Variants in SDK1 observed in about 807,000 individuals in gnomAD.
SDK1 encodes the protein sidekick cell adhesion molecule 1, also known as protein sidekick-1.
SDK1 carries 157 observed loss-of-function variants against 245.5 expected under a neutral mutation model. That is an observed-to-expected ratio of 0.64 (90% CI 0.56 to 0.73). SDK1 has a LOEUF of 0.73. Ranked by LOEUF, SDK1 falls within the 30% of genes least tolerant of loss-of-function variation. The probability of loss-of-function intolerance (pLI) is 0.00; values close to 1 mark genes in which losing one functional copy is unlikely to be tolerated. For synonymous variants in SDK1, 1,647 were observed against 1,278.5 expected (o/e 1.29, Z -6.15); for missense variants, 3,583 against 3,002.3 (o/e 1.19, Z -4.52).
At chr7:3,849,260 AC>A (rs1562488595) in intron 5 of SDK1, among the ~76,000 whole-genome samples, 1 of 152,034 alleles carries the variant, frequency 6.6e-6, no homozygotes, top group Non-Finnish European at 1.5e-5. Flanking sequence ...CCGGAGATGC[AC>A]CCACTCCTGG....
chr7:3,592,299 C>A (rs1415155815), intron 1 of SDK1, among the ~76,000 whole-genome samples: 1 of 152,116 alleles, frequency 6.6e-6, no homozygotes, highest in Non-Finnish European at 1.5e-5. Flanking sequence ...AATATAATTG[C>A]CGTTTCTCCC....
chr7:3,986,437 T>C (rs1341769378), intron 13 of SDK1, among the ~76,000 whole-genome samples: 2 of 152,254 alleles, frequency 1.3e-5, no homozygotes, highest in Non-Finnish European at 2.9e-5. Context: ...TTTTCGCTCA[T>C]AACTCTAAAT....
chr7:4,177,629 C>G (rs1335478391), intron 34 of SDK1, among the ~76,000 whole-genome samples: 38 of 152,206 alleles, frequency 2.5e-4, no homozygotes, highest in Non-Finnish European at 1.5e-5. Context: ...TATTCTAACT[C>G]AGGGGTCTCC....
chr7:3,975,282 A>G (rs1057480080), intron 13 of SDK1, among the ~76,000 whole-genome samples: 1 of 152,176 alleles, frequency 6.6e-6, no homozygotes, highest in African/African-American at 2.4e-5. Context: ...TACAAAAATA[A>G]AACCTGAAAA....
rs554041306 is a variant in SDK1, at chr7:3,363,754, C to G, written c.298+61870C>G. On this transcript the variant is annotated intron_variant, in intron 1 of 44. Transcript: ENST00000404826. ...AATCTAATGCTGCTGCTGATTTGCC[C>G]GGAGGAGCTCAGGCGGGAATGCTCC... is the stretch of plus-strand genomic sequence containing the variant. Among the ~76,000 whole-genome samples, 6 of 152,306 alleles carry G rather than the reference C, an allele frequency of 3.9e-5. No homozygotes were observed. In the South Asian group the frequency reaches 1.2e-3, roughly 32 times the overall value.
intron 17 of SDK1, among the ~76,000 whole-genome samples, chr7:4,027,154 G>A (rs1583870166): frequency 6.6e-6 from 1 of 152,218 alleles, no homozygotes; most frequent in African/African-American, 2.4e-5. Flanking sequence ...GAGCCAGCAA[G>A]TGGTCCCTGA....
At chr7:3,427,490 G>T (rs1358859574) in intron 1 of SDK1, among the ~76,000 whole-genome samples, 1 of 146,760 alleles carries the variant, frequency 6.8e-6, no homozygotes, top group South Asian at 2.1e-4. Context: ...TTGGACTGCA[G>T]CCTGGGTGAG....
chr7:4,008,619 AAGTT>A (rs1785689326), intron 14 of SDK1, among the ~76,000 whole-genome samples: 1 of 152,204 alleles, frequency 6.6e-6, no homozygotes, highest in South Asian at 2.1e-4. Flanking sequence ...ATGAACTAGA[AAGTT>A]AGTCCTCTTT....
intron 5 of SDK1, among the ~76,000 whole-genome samples, chr7:3,854,955 G>T (rs752574299): frequency 6.6e-6 from 1 of 152,108 alleles, no homozygotes; most frequent in African/African-American, 2.4e-5. Flanking sequence ...GCACATGCAG[G>T]GTGGCTCAGT....
At chr7:3,808,026 G>A (rs1583435149) in intron 4 of SDK1, among the ~76,000 whole-genome samples, 1 of 152,318 alleles carries the variant, frequency 6.6e-6, no homozygotes, top group Non-Finnish European at 1.5e-5. Context: ...CGTTGTCAAA[G>A]CGTCACCAGC....
At chr7:3,528,946 A>G (rs891688616) in intron 1 of SDK1, among the ~76,000 whole-genome samples, 3 of 152,112 alleles carry the variant, frequency 2.0e-5, no homozygotes, top group Non-Finnish European at 2.9e-5. Flanking sequence ...AGAAGGAGCA[A>G]TCAGGCCAGG....
chr7:3,875,293 G>C (rs1781049541), intron 5 of SDK1, among the ~76,000 whole-genome samples: 1 of 152,202 alleles, frequency 6.6e-6, no homozygotes, highest in African/African-American at 2.4e-5. Context: ...CCTGTGGTAA[G>C]AGTGAGAGCA....
At chr7:4,233,650 A>C (rs1046231344) in intron 41 of SDK1, among the ~76,000 whole-genome samples, 2 of 152,140 alleles carry the variant, frequency 1.3e-5, no homozygotes, top group Non-Finnish European at 1.5e-5. Context: ...AATGAAGTCA[A>C]GCGGGACGAA....
intron 1 of SDK1, among the ~76,000 whole-genome samples, chr7:3,554,211 T>C (rs749474130): frequency 2.0e-5 from 3 of 152,108 alleles, no homozygotes; most frequent in Non-Finnish European, 4.4e-5. Context: ...TCCTGGGCCA[T>C]AGAGCACTTT....
intron 4 of SDK1, among the ~76,000 whole-genome samples, chr7:3,802,512 G>A (rs572538445): frequency 1.3e-5 from 2 of 151,828 alleles, no homozygotes; most frequent in Non-Finnish European, 2.9e-5. Context: ...TCCAACCTGG[G>A]GAGCAGAATG....
At chr7:4,085,904 G>T (rs1235347776) in intron 22 of SDK1, among the ~76,000 whole-genome samples, 2 of 152,084 alleles carry the variant, frequency 1.3e-5, no homozygotes, top group Non-Finnish European at 2.9e-5. Context: ...AATTCTTGAG[G>T]ATATAACTCA....
chr7:4,000,851 T>A (rs1309029466), intron 14 of SDK1, among the ~76,000 whole-genome samples: 1 of 152,204 alleles, frequency 6.6e-6, no homozygotes, highest in Non-Finnish European at 1.5e-5. Context: ...CTCCCATGCA[T>A]AGCATTTGTC....
At chr7:3,502,461 G>T (rs987382056) in intron 1 of SDK1, among the ~76,000 whole-genome samples, 9 of 152,086 alleles carry the variant, frequency 5.9e-5, no homozygotes, top group Non-Finnish European at 1.0e-4. Context: ...TGTTGGCCAG[G>T]CTGATCTTGA....
intron 5 of SDK1, among the ~76,000 whole-genome samples, chr7:3,914,801 G>T (rs1352660984): frequency 6.6e-6 from 1 of 152,188 alleles, no homozygotes; most frequent in Non-Finnish European, 1.5e-5. Flanking sequence ...CATACAATTT[G>T]ATCGGTCAAT....
Sources: allele counts gnomAD v4.1 joint callset (sites outside exome capture counted in the v4.1 genomes callset), GRCh38; gene constraint gnomAD v4.1.1; transcripts MANE v1.5; gene names NCBI Gene and HGNC (gene_info 2026-07-23, HGNC 2026-07-21).